Variants in ACAP2 observed in about 807,000 individuals in gnomAD.
ACAP2 encodes arf-GAP with coiled-coil, ANK repeat and PH domain-containing protein 2.
Under a neutral mutation model 115.8 loss-of-function variants are expected in ACAP2, and 39 were observed. That is an observed-to-expected ratio of 0.34 (90% CI 0.26 to 0.44). The LOEUF is 0.44. Ranked by LOEUF, ACAP2 falls within the 20% of genes least tolerant of loss-of-function variation. ACAP2 has a pLI of 1.00. For synonymous variants in ACAP2, 289 were observed against 315.8 expected, an observed-to-expected ratio of 0.92 and a Z score of 0.90; for missense variants, 662 against 927.6, an observed-to-expected ratio of 0.71 and a Z score of 3.72.
At chr3:195,361,181 T>G (rs1732342572) in intron 4 of ACAP2, among the ~76,000 whole-genome samples, 1 of 152,002 alleles carries the variant, frequency 6.6e-6, no homozygotes. Flanking sequence ...AGGCCTATAA[T>G]CCCCACATTT....
chr3:195,324,052 C>A (rs1182684310), intron 9 of ACAP2, among the ~76,000 whole-genome samples: 1 of 151,396 alleles, frequency 6.6e-6, no homozygotes, highest in Admixed American at 6.6e-5. Flanking sequence ...TATGTACTAA[C>A]AAAAATTAAA....
chr3:195,343,806 G>T (rs1028778789), intron 5 of ACAP2, among the ~76,000 whole-genome samples: 4 of 152,138 alleles, frequency 2.6e-5, no homozygotes, highest in Non-Finnish European at 5.9e-5. Context: ...GAAGACAAAT[G>T]ATTTTATAAA....
intron 1 of ACAP2, among the ~76,000 whole-genome samples, chr3:195,426,802 T>C (rs967182418): frequency 5.3e-5 from 8 of 152,238 alleles, no homozygotes; most frequent in African/African-American, 1.7e-4. Context: ...ATTAGATCTT[T>C]GGCAAGATTA....
At chr3:195,411,440 G>A (rs534196450) in intron 1 of ACAP2, among the ~76,000 whole-genome samples, 23 of 152,132 alleles carry the variant, frequency 1.5e-4, no homozygotes, top group African/African-American at 5.5e-4. Flanking sequence ...AATAGAATAC[G>A]CATCCTTTTA....
In ACAP2 at chr3:195,277,227, G is replaced by A. The variant is rs1308866326; in HGVS notation, c.*2101C>T. 2 of 152,130 alleles carry A rather than the reference G, an allele frequency of 1.3e-5. No homozygotes were observed. Among genetic ancestry groups the A allele is most frequent in the Non-Finnish European group, 2.9e-5 (2 of 68,010 alleles). 9.4% of individuals were successfully genotyped at this position (152,130 alleles called of 1,614,324 possible). ...AAGGGACACTATAAAGGAAAAGTGAGGTTTTTTCTTTTTCTTTAACGTACT... is the reference window on the plus strand; with the variant it reads ...AAGGGACACTATAAAGGAAAAGTGAAGTTTTTTCTTTTTCTTTAACGTACT... On this transcript the variant is annotated 3_prime_UTR_variant, in exon 23 of 23. Transcript: ENST00000326793.
rs182321451 is a variant in ACAP2 at position 195,409,322 on chromosome 3, A to G, written c.54-17175T>C. Among the ~76,000 whole-genome samples the G allele has an allele frequency of 1.5e-3, 233 of 152,312 alleles. 2 individuals are homozygous for G. Among genetic ancestry groups the G allele is most frequent in the African/African-American group, 5.3e-3 (219 of 41,576 alleles). On this transcript the variant is annotated intron_variant, in intron 1 of 22. Coordinates refer to ENST00000326793, the MANE Select transcript of ACAP2 (RefSeq NM_012287.6). ...TGTACAATCTGAAAAGGAAATTAAG[A>G]AAACAATGCCATTTATAATAGCATC...
intron 1 of ACAP2, among the ~76,000 whole-genome samples, chr3:195,398,508 A>G (rs1483759319): frequency 6.6e-6 from 1 of 152,076 alleles, no homozygotes; most frequent in Non-Finnish European, 1.5e-5. Flanking sequence ...ATGGTGGCGC[A>G]TGCCTGTAAT....
intron 4 of ACAP2, among the ~76,000 whole-genome samples, chr3:195,349,444 G>A (rs1316890470): frequency 1.3e-5 from 2 of 152,012 alleles, no homozygotes; most frequent in African/African-American, 4.8e-5. Context: ...TCACGCCATT[G>A]CCCCTCCAGC....
At chr3:195,330,540 AT>A (rs1730100479) in intron 8 of ACAP2, among the ~76,000 whole-genome samples, 1 of 152,206 alleles carries the variant, frequency 6.6e-6, no homozygotes, top group African/African-American at 2.4e-5. Flanking sequence ...GCAATCTAAT[AT>A]TTGATAGTGT....
intron 1 of ACAP2, among the ~76,000 whole-genome samples, chr3:195,415,402 G>A (rs767585782): frequency 1.3e-5 from 2 of 150,780 alleles, no homozygotes; most frequent in Non-Finnish European, 2.9e-5. Context: ...TCAGCCTCCC[G>A]AGTAACTGGG....
At chr3:195,280,316 AC>A (rs760999076) in intron 22 of ACAP2, among the ~76,000 whole-genome samples, 3 of 152,112 alleles carry the variant, frequency 2.0e-5, no homozygotes, top group Non-Finnish European at 4.4e-5. Flanking sequence ...TACTAAAAAT[AC>A]AAAAAGTAAC....
At chr3:195,373,807 C>T (rs756898995) in intron 4 of ACAP2, among the ~76,000 whole-genome samples, 12 of 151,972 alleles carry the variant, frequency 7.9e-5, no homozygotes, top group South Asian at 2.1e-4. Flanking sequence ...CACCTATAAT[C>T]CCAGCTACTC....
intron 1 of ACAP2, among the ~76,000 whole-genome samples, chr3:195,413,406 C>A (rs1009706560): frequency 1.7e-4 from 26 of 151,896 alleles, no homozygotes; most frequent in African/African-American, 5.8e-4. Context: ...CCAAAATATA[C>A]AAAGAACTCT....
intron 4 of ACAP2, among the ~76,000 whole-genome samples, chr3:195,363,472 G>A (rs530051013): frequency 5.9e-5 from 9 of 152,176 alleles, no homozygotes; most frequent in Admixed American, 3.3e-4. Flanking sequence ...AAGAAACTCC[G>A]TCTCTACTAA....
At position 195,278,177 on chromosome 3, in the gene ACAP2, T is replaced by C. The variant is rs1300617487; in HGVS notation, c.*1151A>G. ...AATTTGTAGCATATAAATGGTAATG[T>C]TTATCCATAATATTTTGGAATTCAG... is the stretch of plus-strand genomic sequence containing the variant. On this transcript the variant is annotated 3_prime_UTR_variant, in exon 23 of 23. Transcript: ENST00000326793. 2 of 152,178 alleles carry C rather than the reference T, an allele frequency of 1.3e-5. No individual in the cohort carries two copies. The highest frequency in any genetic ancestry group is 2.9e-5 in the Non-Finnish European group (2 of 68,038). The allele number at this position is 152,178 out of a possible 1,614,324, so 9.4% of individuals were successfully genotyped here.
chr3:195,308,975 T>G, intron 10 of ACAP2, 138 bp from the exon 11 acceptor site: 1 of 752,370 alleles, frequency 1.3e-6, no homozygotes, highest in South Asian at 2.1e-5. Flanking sequence ...TTATTTTGCT[T>G]TATATAAACT....
At chr3:195,412,779 A>G in intron 1 of ACAP2, 1 of 355,818 alleles carries the variant, frequency 2.8e-6, no homozygotes, top group Non-Finnish European at 5.8e-6. Context: ...AATTTAAAAA[A>G]TAACTTAAAT....
At chr3:195,300,044 C>CTTTTTTTTTTTTTTTTTTTTTTTTTCT in intron 15 of ACAP2, among the ~76,000 whole-genome samples, 1 of 34,352 alleles carries the variant, frequency 2.9e-5, no homozygotes, top group Non-Finnish European at 9.3e-5. Context: ...CTTTTTTTTT[C>CTTTTTTTTTTTTTTTTTTTTTTTTTCT]TTTTTTTTTT....
intron 1 of ACAP2, among the ~76,000 whole-genome samples, chr3:195,395,361 A>G (rs1039122301): frequency 1.3e-5 from 2 of 152,218 alleles, no homozygotes; most frequent in African/African-American, 4.8e-5. Flanking sequence ...TGTTAAGAGA[A>G]AGGGAAGAAA....
Sources: gnomAD v4.1 joint callset for allele counts (sites outside exome capture counted in the v4.1 genomes callset) on GRCh38, gnomAD v4.1.1 for gene constraint, MANE v1.5 for transcripts, NCBI Gene and HGNC (gene_info 2026-07-23, HGNC 2026-07-21) for gene names.